NXN: variants seen among roughly 807,000 people sequenced by gnomAD.
NXN encodes nucleoredoxin.
A neutral mutation model predicts 48.6 loss-of-function variants in NXN; 16 were observed. The ratio of observed to expected loss-of-function variants is 0.33; its 90% CI spans 0.22 to 0.50. NXN has a LOEUF of 0.50. Among genes scored for constraint, NXN ranks in the 20% least tolerant of loss-of-function variants. NXN has a pLI of 0.98. For synonymous variants in NXN, 281 were observed against 269.6 expected, an observed-to-expected ratio of 1.04 and a Z score of -0.41; for missense variants, 492 against 605.5, an observed-to-expected ratio of 0.81 and a Z score of 1.97.
In NXN at chr17:971,636, G is replaced by C. The variant is rs189342062; in HGVS notation, c.360+7683C>G. On this transcript the variant is annotated intron_variant, in intron 1 of 7. Transcript: ENST00000336868. ...GCGGCAGGAGAATGGCGTGAACCGG[G>C]AAGGCGGAGCTGGCAGTCAGCCGAG... Among the ~76,000 whole-genome samples the C allele has an allele frequency of 2.5e-3, 384 of 152,036 alleles. 1 individual carries two copies. Among genetic ancestry groups the C allele is most frequent in the Non-Finnish European group, 4.8e-3 (329 of 67,980 alleles).
At chr17:841,251 G>A (rs1231217830) in intron 1 of NXN, among the ~76,000 whole-genome samples, 1 of 152,214 alleles carries the variant, frequency 6.6e-6, no homozygotes, top group Non-Finnish European at 1.5e-5. Flanking sequence ...CCATGCCAGG[G>A]CAACAGGCCC....
intron 1 of NXN, among the ~76,000 whole-genome samples, chr17:955,696 A>T (rs1209431619): frequency 6.6e-6 from 1 of 150,574 alleles, no homozygotes; most frequent in African/African-American, 2.5e-5. Context: ...GGAGATTGAG[A>T]CCATCCTGGC....
At chr17:810,611 C>T (rs369768875) in intron 5 of NXN, among the ~76,000 whole-genome samples, 2 of 152,108 alleles carry the variant, frequency 1.3e-5, no homozygotes, top group Admixed American at 6.6e-5. Context: ...GGAAAGGAGC[C>T]GGGCACGGTG....
At chr17:921,370 C>A (rs1392146806) in intron 1 of NXN, among the ~76,000 whole-genome samples, 1 of 152,178 alleles carries the variant, frequency 6.6e-6, no homozygotes, top group African/African-American at 2.4e-5. Context: ...GGGCCACCAA[C>A]AACACCCAGC....
Position 920,649 on chromosome 17 carries a change from A to G in NXN, c.360+58670T>C, listed in dbSNP as rs2068739945. On this transcript the variant is annotated intron_variant, in intron 1 of 7. Transcript: ENST00000336868. This position sits in a 1 kb window ranked among gnomAD's most constrained non-coding sequence, Gnocchi z 4.6. Reference sequence around the variant, plus strand: ...ACTGGCAGCACCCAGGACGTTCTCAATGAGGTCTTCATTCATACCGCCTTG... The same window carrying G: ...ACTGGCAGCACCCAGGACGTTCTCAGTGAGGTCTTCATTCATACCGCCTTG... 1.3e-5 allele frequency among the ~76,000 whole-genome samples: 2 copies of G among 151,952 alleles called. No homozygotes were observed. Among genetic ancestry groups the G allele is most frequent in the African/African-American group, 4.8e-5 (2 of 41,418 alleles).
chr17:906,812 G>T (rs964934707), intron 1 of NXN, among the ~76,000 whole-genome samples: 4 of 151,178 alleles, frequency 2.6e-5, no homozygotes, highest in African/African-American at 7.3e-5. Flanking sequence ...CAGGTGATCC[G>T]CCCACCTCAG....
intron 1 of NXN, among the ~76,000 whole-genome samples, chr17:834,823 T>C (rs1026145049): frequency 6.6e-6 from 1 of 151,472 alleles, no homozygotes; most frequent in Non-Finnish European, 1.5e-5. Context: ...GTCTGGCTAA[T>C]TTTTGTACTT....
At chr17:948,272 T>C (rs1162371026) in intron 1 of NXN, among the ~76,000 whole-genome samples, 1 of 152,164 alleles carries the variant, frequency 6.6e-6, no homozygotes, top group Non-Finnish European at 1.5e-5. Context: ...GATCACACGT[T>C]GTATGCCTGT....
At chr17:857,113 GTTTC>G (rs1383797950) in intron 1 of NXN, among the ~76,000 whole-genome samples, 1 of 152,136 alleles carries the variant, frequency 6.6e-6, no homozygotes, top group Non-Finnish European at 1.5e-5. Context: ...GAACACAAAA[GTTTC>G]TTTCTCTCAG....
At chr17:972,708 C>T (rs1347150625) in intron 1 of NXN, among the ~76,000 whole-genome samples, 1 of 152,116 alleles carries the variant, frequency 6.6e-6, no homozygotes, top group Non-Finnish European at 1.5e-5. Context: ...ATTACAACAC[C>T]TTCCCAACAA....
At chr17:916,891 T>C in intron 1 of NXN, among the ~76,000 whole-genome samples, 1 of 151,866 alleles carries the variant, frequency 6.6e-6, no homozygotes, top group African/African-American at 2.4e-5. Flanking sequence ...GAGAGAAACT[T>C]CATCTCTAAA....
At position 849,107 on chromosome 17, in the gene NXN, G is replaced by A. The variant is rs2067896188; in HGVS notation, c.361-23029C>T. On this transcript the variant is annotated intron_variant, in intron 1 of 7. Coordinates refer to ENST00000336868, the MANE Select transcript of NXN (RefSeq NM_022463.5). This position sits in a 1 kb window ranked among gnomAD's most constrained non-coding sequence, Gnocchi z 4.2. ...TCCTCTCTAGACCCTCCCCTGGGAC[G>A]GCAGTCCCCACCCCACCCACACCCT... 6.6e-6 allele frequency among the ~76,000 whole-genome samples: 1 copy of A among 152,174 alleles called. No homozygotes were observed.
At chr17:843,059 G>GAAAGAAAGAAAGAAA (rs1567829215) in intron 1 of NXN, among the ~76,000 whole-genome samples, 15 of 98,560 alleles carry the variant, frequency 1.5e-4, no homozygotes, top group African/African-American at 3.7e-4. Context: ...AAAGAAAGAA[G>GAAAGAAAGAAAGAAA]GAAGAAAGCA....
At chr17:964,533 G>T (rs2069279638) in intron 1 of NXN, among the ~76,000 whole-genome samples, 1 of 152,138 alleles carries the variant, frequency 6.6e-6, no homozygotes, top group Non-Finnish European at 1.5e-5. Flanking sequence ...CGCATCCAAG[G>T]GTTGAAGCCG....
intron 1 of NXN, among the ~76,000 whole-genome samples, chr17:926,221 T>G (rs761435877): frequency 6.6e-6 from 1 of 152,192 alleles, no homozygotes; most frequent in African/African-American, 2.4e-5. Flanking sequence ...GATCTCACTC[T>G]GTCACCCAGG....
intron 1 of NXN, among the ~76,000 whole-genome samples, chr17:895,677 G>C (rs1188556176): frequency 6.7e-6 from 1 of 150,288 alleles, no homozygotes; most frequent in Non-Finnish European, 1.5e-5. Context: ...AATTAGCCAG[G>C]CGTGGTGGTG....
chr17:841,845 A>T (rs1914340974), intron 1 of NXN, among the ~76,000 whole-genome samples: 1 of 151,542 alleles, frequency 6.6e-6, no homozygotes, highest in Non-Finnish European at 1.5e-5. Flanking sequence ...TTCCAATTAC[A>T]CCTGCTCTAG....
chr17:819,969 T>TA (rs904377618), intron 4 of NXN, among the ~76,000 whole-genome samples: 6 of 152,146 alleles, frequency 3.9e-5, no homozygotes, highest in African/African-American at 1.4e-4. Context: ...ATTCCCCATG[T>TA]AAAAAACCCT....
At chr17:922,715 G>A (rs1401147603) in intron 1 of NXN, among the ~76,000 whole-genome samples, 2 of 151,754 alleles carry the variant, frequency 1.3e-5, no homozygotes, top group Admixed American at 6.6e-5. Context: ...GCAGTGGTGC[G>A]ATCTCGGCTC....
Sources: allele counts gnomAD v4.1 joint callset (sites outside exome capture counted in the v4.1 genomes callset), GRCh38; gene constraint gnomAD v4.1.1; non-coding constraint Gnocchi (gnomAD v3.1); transcripts MANE v1.5; gene names NCBI Gene and HGNC (gene_info 2026-07-23, HGNC 2026-07-21).